Variants in SLC1A3 observed in about 807,000 individuals in gnomAD.
The protein encoded by SLC1A3 is solute carrier family 1 member 3.
A neutral mutation model predicts 48.1 loss-of-function variants in SLC1A3; 21 were observed. The observed-to-expected ratio is 0.44, with a 90% CI of 0.31 to 0.63. The LOEUF is 0.63. Among genes scored for constraint, SLC1A3 ranks in the 20% least tolerant of loss-of-function variants. The pLI, the probability that SLC1A3 is intolerant of heterozygous loss-of-function variation, is 0.08. For synonymous variants in SLC1A3, 239 were observed against 251.4 expected, an observed-to-expected ratio of 0.95 and a Z score of 0.47; for missense variants, 546 against 689.0, an observed-to-expected ratio of 0.79 and a Z score of 2.32.
intron 3 of SLC1A3, among the ~76,000 whole-genome samples, chr5:36,645,903 A>G (rs754103765): frequency 4.6e-5 from 7 of 152,188 alleles, no homozygotes; most frequent in Non-Finnish European, 8.8e-5. Flanking sequence ...TACTTCATAT[A>G]CCAGTTTATC....
intron 4 of SLC1A3, among the ~76,000 whole-genome samples, chr5:36,673,130 T>A (rs1435948926): frequency 1.3e-5 from 2 of 152,184 alleles, no homozygotes; most frequent in South Asian, 4.2e-4. Flanking sequence ...AACAACCTCA[T>A]AGAGTGTAGA....
chr5:36,649,161 T>G (rs1424640026), intron 3 of SLC1A3, among the ~76,000 whole-genome samples: 1 of 151,884 alleles, frequency 6.6e-6, no homozygotes, highest in Non-Finnish European at 1.5e-5. Flanking sequence ...TGGACCAACA[T>G]GGAGAAACCC....
At chr5:36,608,707 T>C (rs1561235430) in intron 2 of SLC1A3, 103 bp downstream of exon 2, 7 of 1,546,982 alleles carry the variant, frequency 4.5e-6, no homozygotes, top group Non-Finnish European at 6.1e-6. Context: ...GGTATCAAAA[T>C]GGTAGCCTAG....
intron 6 of SLC1A3, among the ~76,000 whole-genome samples, chr5:36,678,438 T>C (rs2301068): frequency 0.63 from 95,854 of 152,172 alleles, 31,160 homozygotes; most frequent in African/African-American, 0.79. Flanking sequence ...ACTGAATGAA[T>C]CTCACATGCA....
intron 3 of SLC1A3, among the ~76,000 whole-genome samples, chr5:36,645,413 G>A (rs1740802666): frequency 1.6e-5 from 2 of 126,064 alleles, no homozygotes; most frequent in South Asian, 2.8e-4. Flanking sequence ...TGTAACCTCC[G>A]CCTCCCAGGT....
intron 3 of SLC1A3, among the ~76,000 whole-genome samples, chr5:36,652,638 T>C (rs1424999044): frequency 6.6e-6 from 1 of 152,158 alleles, no homozygotes; most frequent in Non-Finnish European, 1.5e-5. Context: ...GAGCAAGAAC[T>C]GGGCCTAAAA....
At chr5:36,616,870 T>C (rs2111699506) in intron 2 of SLC1A3, among the ~76,000 whole-genome samples, 1 of 152,322 alleles carries the variant, frequency 6.6e-6, no homozygotes, top group East Asian at 1.9e-4. Context: ...AAACTCCCTG[T>C]GAAAAAAGTA....
At chr5:36,603,770 A>G (rs1341885383), upstream of SLC1A3, among the ~76,000 whole-genome samples, 1 of 152,210 alleles carries the variant, frequency 6.6e-6, no homozygotes, top group Non-Finnish European at 1.5e-5. Context: ...ACAATTTCCA[A>G]ATTCTAGGAG....
intron 3 of SLC1A3, among the ~76,000 whole-genome samples, chr5:36,649,664 C>G (rs1450983121): frequency 2.0e-5 from 3 of 151,972 alleles, no homozygotes; most frequent in Non-Finnish European, 4.4e-5. Context: ...GAGAAAATAC[C>G]CTAAAGAAAA....
chr5:36,669,579 T>G (rs141232042), intron 3 of SLC1A3: 21 of 152,304 alleles, frequency 1.4e-4, no homozygotes, highest in African/African-American at 4.8e-4. Flanking sequence ...CTTAACTGCT[T>G]TATAATCTGC....
At chr5:36,610,565 C>T (rs139204866) in intron 2 of SLC1A3, among the ~76,000 whole-genome samples, 43 of 152,236 alleles carry the variant, frequency 2.8e-4, no homozygotes, top group African/African-American at 9.4e-4. Flanking sequence ...AATGGAAATT[C>T]ATAAAACTTG....
chr5:36,647,084 T>C (rs1258869327), intron 3 of SLC1A3, among the ~76,000 whole-genome samples: 6 of 152,246 alleles, frequency 3.9e-5, no homozygotes, highest in African/African-American at 1.4e-4. Flanking sequence ...AGCCAAGATG[T>C]ATCTATTCTA....
At chr5:36,629,937 A>T in intron 3 of SLC1A3, 1 of 338,850 alleles carries the variant, frequency 3.0e-6, no homozygotes, top group Non-Finnish European at 5.7e-6. Flanking sequence ...CTCTTATCCC[A>T]CCCAGATAAC....
intron 3 of SLC1A3, among the ~76,000 whole-genome samples, chr5:36,659,880 T>C (rs1741434534): frequency 6.6e-6 from 1 of 152,240 alleles, no homozygotes; most frequent in Non-Finnish European, 1.5e-5. Context: ...TAGTCACTTT[T>C]AGAAGAAGCA....
chr5:36,616,803 C>T (rs756298593), intron 2 of SLC1A3, among the ~76,000 whole-genome samples: 15 of 152,140 alleles, frequency 9.9e-5, no homozygotes, highest in Non-Finnish European at 1.0e-4. Context: ...CTGGTATCTT[C>T]AGCTACTTGA....
At chr5:36,621,317 G>A (rs1035139558) in intron 2 of SLC1A3, among the ~76,000 whole-genome samples, 3 of 152,198 alleles carry the variant, frequency 2.0e-5, no homozygotes, top group Non-Finnish European at 4.4e-5. Context: ...AGATGATGGA[G>A]AAATGACAAG....
chr5:36,653,525 C>G (rs1741168850), intron 3 of SLC1A3, among the ~76,000 whole-genome samples: 1 of 152,200 alleles, frequency 6.6e-6, no homozygotes. Flanking sequence ...TAAAATTGCT[C>G]CTTCTTTCTA....
rs113698837 is a variant in SLC1A3 at position 36,633,927 on chromosome 5, G to A, written c.319+4340G>A. 6.2e-3 allele frequency among the ~76,000 whole-genome samples: 949 copies of A among 152,302 alleles called. 13 individuals carry two copies. The highest frequency in any genetic ancestry group is 0.022 in the African/African-American group (894 of 41,554). Reference sequence around the variant, plus strand: ...CAATGTTATGAAATTGTAAATTGATGCAATTGCCTAACAAAGGCTCTGGGA... The same window carrying A: ...CAATGTTATGAAATTGTAAATTGATACAATTGCCTAACAAAGGCTCTGGGA... On this transcript the variant is annotated intron_variant, in intron 3 of 9. Coordinates refer to ENST00000265113, the MANE Select transcript of SLC1A3 (RefSeq NM_004172.5).
At chr5:36,602,049 C>A (rs1050448166), upstream of SLC1A3, among the ~76,000 whole-genome samples, 1 of 152,124 alleles carries the variant, frequency 6.6e-6, no homozygotes, top group Non-Finnish European at 1.5e-5. Flanking sequence ...GAGATTTAAA[C>A]CCAGGGGGCC....
Sources: gnomAD v4.1 joint callset for allele counts (sites outside exome capture counted in the v4.1 genomes callset) on GRCh38, gnomAD v4.1.1 for gene constraint, MANE v1.5 for transcripts, NCBI Gene and HGNC (gene_info 2026-07-23, HGNC 2026-07-21) for gene names.